SAMD3: variants seen among roughly 807,000 people sequenced by gnomAD.
SAMD3 encodes the protein sterile alpha motif domain-containing protein 3.
Under a neutral mutation model 58.5 loss-of-function variants are expected in SAMD3, and 63 were observed. That is an observed-to-expected ratio of 1.08 (90% CI 0.88 to 1.33). SAMD3 has a LOEUF of 1.33. SAMD3 is among the 40% of genes most tolerant of loss of function. The probability of loss-of-function intolerance (pLI) is 0.00; values close to 1 mark genes in which losing one functional copy is unlikely to be tolerated. For missense variants in SAMD3, 604 were observed against 608.4 expected (o/e 0.99, Z 0.08); for synonymous variants, 220 against 210.3 (o/e 1.05, Z -0.40).
chr6:130,169,452 C>G (rs1791035076), intron 8 of SAMD3, among the ~76,000 whole-genome samples: 1 of 152,120 alleles, frequency 6.6e-6, no homozygotes, highest in Non-Finnish European at 1.5e-5. Flanking sequence ...AAAGTTAAAT[C>G]CTTACTAATT....
chr6:130,200,921 T>C (rs1360121205), intron 5 of SAMD3, among the ~76,000 whole-genome samples: 3 of 152,134 alleles, frequency 2.0e-5, no homozygotes, highest in Non-Finnish European at 4.4e-5. Context: ...AAGCTGTTGG[T>C]CATATTCTTC....
intron 9 of SAMD3, among the ~76,000 whole-genome samples, chr6:130,154,131 C>A (rs1789507614): frequency 6.6e-6 from 1 of 151,958 alleles, no homozygotes; most frequent in South Asian, 2.1e-4. Flanking sequence ...TGTCAAAATA[C>A]CCCTAAGTGA....
chr6:130,157,359 G>A (rs1292489293), intron 8 of SAMD3, among the ~76,000 whole-genome samples: 2 of 143,168 alleles, frequency 1.4e-5, no homozygotes, highest in Non-Finnish European at 3.0e-5. Flanking sequence ...TTTTTTTTGA[G>A]ACAAGGTCTC....
intron 2 of SAMD3, among the ~76,000 whole-genome samples, chr6:130,310,821 T>G (rs896888363): frequency 6.6e-6 from 1 of 152,190 alleles, no homozygotes; most frequent in Non-Finnish European, 1.5e-5. Flanking sequence ...TAGCCACTAA[T>G]TTTTTCGACT....
At chr6:130,165,565 T>C (rs994666067) in intron 8 of SAMD3, among the ~76,000 whole-genome samples, 14 of 152,128 alleles carry the variant, frequency 9.2e-5, no homozygotes, top group African/African-American at 3.1e-4. Context: ...CTTTTCAAAG[T>C]AGTTGAAAAG....
intron 7 of SAMD3, among the ~76,000 whole-genome samples, chr6:130,182,079 A>C (rs1792397962): frequency 1.3e-5 from 2 of 151,804 alleles, no homozygotes; most frequent in Admixed American, 6.6e-5. Context: ...AAAAAAAAAA[A>C]AAAAAAAACC....
At chr6:130,319,174 A>G (rs1275504768) in intron 1 of SAMD3, among the ~76,000 whole-genome samples, 1 of 152,178 alleles carries the variant, frequency 6.6e-6, no homozygotes, top group African/African-American at 2.4e-5. Context: ...AAACTAATAC[A>G]GGAGAATTTG....
intron 2 of SAMD3, among the ~76,000 whole-genome samples, chr6:130,251,034 C>T (rs1562481201): frequency 6.6e-6 from 1 of 152,142 alleles, no homozygotes; most frequent in Non-Finnish European, 1.5e-5. Flanking sequence ...ACAGCAGAAA[C>T]ATTTTATATT....
intron 7 of SAMD3, among the ~76,000 whole-genome samples, chr6:130,182,560 G>A (rs1489939893): frequency 2.0e-5 from 3 of 150,296 alleles, no homozygotes; most frequent in African/African-American, 7.3e-5. Flanking sequence ...GGAAGGAAGG[G>A]AGGGAGAGAG....
intron 9 of SAMD3, among the ~76,000 whole-genome samples, chr6:130,150,715 T>C (rs1158073154): frequency 2.1e-5 from 3 of 145,968 alleles, no homozygotes; most frequent in African/African-American, 7.5e-5. Flanking sequence ...CCAGAATTCT[T>C]TTTTTTTTTT....
chr6:130,179,810 CTT>C (rs71028199), intron 7 of SAMD3, among the ~76,000 whole-genome samples: 5 of 116,240 alleles, frequency 4.3e-5, no homozygotes, highest in Admixed American at 1.0e-4. Context: ...TGTCCTTATT[CTT>C]TTTTTTTTTT....
chr6:130,348,435 C>T (rs1437059045), intron 1 of SAMD3, among the ~76,000 whole-genome samples: 1 of 151,990 alleles, frequency 6.6e-6, no homozygotes, highest in Admixed American at 6.6e-5. Flanking sequence ...ATCCTAGTCT[C>T]GGATAAAACA....
chr6:130,186,264 T>G (rs1358164373), intron 5 of SAMD3, among the ~76,000 whole-genome samples: 2 of 152,148 alleles, frequency 1.3e-5, no homozygotes, highest in African/African-American at 4.8e-5. Flanking sequence ...CCAAGCAACA[T>G]TCAGATGAAT....
chr6:130,296,810 A>G (rs188680154), intron 2 of SAMD3, among the ~76,000 whole-genome samples: 43 of 152,210 alleles, frequency 2.8e-4, no homozygotes, highest in African/African-American at 9.9e-4. Flanking sequence ...CTGCAGCCAC[A>G]CTGTGGTGGG....
chr6:130,315,330 G>A (rs1776325356), intron 1 of SAMD3, among the ~76,000 whole-genome samples: 1 of 152,152 alleles, frequency 6.6e-6, no homozygotes, highest in African/African-American at 2.4e-5. Flanking sequence ...GAATGGAAGA[G>A]TTATATATGG....
In SAMD3 at chr6:130,215,054, A is replaced by T. The variant is rs533957555; in HGVS notation, c.79+141T>A. 4 of 486,728 alleles carry T rather than the reference A, an allele frequency of 8.2e-6. No homozygotes were observed. The East Asian group carries it at 1.3e-4, about 16-fold the overall frequency. 30.2% of individuals were successfully genotyped at this position (486,728 alleles called of 1,614,324 possible). A position where few individuals can be genotyped will look rare whatever the true frequency, so the allele number is the denominator to read the frequency against. ...CTCTGCTACAGTCCATAAAGAAATG[A>T]AAAGTTCTCTACTGCAGCAACCCCA... On this transcript the variant is annotated intron_variant, in intron 3 of 11. Transcript: ENST00000439090.
At chr6:130,315,505 G>T (rs9492536) in intron 1 of SAMD3, among the ~76,000 whole-genome samples, 1 of 151,938 alleles carries the variant, frequency 6.6e-6, no homozygotes, top group South Asian at 2.1e-4. Context: ...AGAAGGCTAT[G>T]AGGATTTATG....
At chr6:130,288,893 A>G (rs1349495395) in intron 2 of SAMD3, among the ~76,000 whole-genome samples, 2 of 152,230 alleles carry the variant, frequency 1.3e-5, no homozygotes, top group Non-Finnish European at 2.9e-5. Flanking sequence ...ACTCTATTTA[A>G]GATGGTATCT....
chr6:130,239,843 G>C (rs909477103), intron 2 of SAMD3, among the ~76,000 whole-genome samples: 3 of 152,118 alleles, frequency 2.0e-5, no homozygotes, highest in African/African-American at 4.8e-5. Context: ...AATGTGCCAA[G>C]CCACCTGACA....
Sources: allele counts gnomAD v4.1 joint callset (sites outside exome capture counted in the v4.1 genomes callset), GRCh38; gene constraint gnomAD v4.1.1; transcripts MANE v1.5; gene names NCBI Gene and HGNC (gene_info 2026-07-23, HGNC 2026-07-21).